ALPL: variants seen among roughly 807,000 people sequenced by gnomAD.
ALPL encodes alkaline phosphatase, tissue-nonspecific isozyme.
A neutral mutation model predicts 51.3 loss-of-function variants in ALPL; 42 were observed. The observed-to-expected ratio is 0.82, with a 90% CI of 0.64 to 1.06. The LOEUF is 1.06. ALPL is among the 50% of genes least tolerant of loss of function. The pLI is 0.00. For synonymous variants in ALPL, 279 were observed against 296.4 expected, an observed-to-expected ratio of 0.94 and a Z score of 0.60; for missense variants, 589 against 709.4, an observed-to-expected ratio of 0.83 and a Z score of 1.93.
chr1:21,527,657 C>T (rs779650053), intron 1 of ALPL, among the ~76,000 whole-genome samples: 15 of 150,594 alleles, frequency 1.0e-4, no homozygotes, highest in Non-Finnish European at 2.1e-4. Context: ...TTAGGCGATT[C>T]TCCTGCCTCA....
At position 21,577,663 on chromosome 1, in the gene ALPL, G is replaced by A; in HGVS notation, c.*15G>A. On this transcript the variant is annotated 3_prime_UTR_variant, in exon 12 of 12. Coordinates refer to ENST00000374840, the MANE Select transcript of ALPL (RefSeq NM_000478.6). ...TCCTGTTCTGAGGGCCCAGGGCCCGGGCACCCACAAGCCCGTGACAGATGC... is the reference window on the plus strand; with the variant it reads ...TCCTGTTCTGAGGGCCCAGGGCCCGAGCACCCACAAGCCCGTGACAGATGC... 16 of 1,593,074 alleles carry A rather than the reference G, an allele frequency of 1.0e-5. No homozygotes were observed. The highest frequency in any genetic ancestry group is 1.4e-5 in the Non-Finnish European group (16 of 1,177,080).
chr1:21,537,630 C>T (rs916158122), intron 1 of ALPL, among the ~76,000 whole-genome samples: 2 of 152,220 alleles, frequency 1.3e-5, no homozygotes, highest in Admixed American at 6.5e-5. Flanking sequence ...AGGCAGGGCT[C>T]CCTGTGCCTG....
At chr1:21,544,033 G>A (rs1198889313) in intron 1 of ALPL, among the ~76,000 whole-genome samples, 1 of 152,178 alleles carries the variant, frequency 6.6e-6, no homozygotes, top group African/African-American at 2.4e-5. Context: ...GCCTGTGCAG[G>A]GCCTGGCCCA....
intron 9 of ALPL, 25 bp from the exon 10 acceptor site, chr1:21,575,708 G>C (rs781522654): frequency 6.2e-7 from 1 of 1,613,454 alleles, no homozygotes; most frequent in Non-Finnish European, 8.5e-7. Context: ...CTCCCTCACC[G>C]AGGCCTTTGC....
intron 1 of ALPL, among the ~76,000 whole-genome samples, chr1:21,514,727 C>G (rs1643760027): frequency 6.6e-6 from 1 of 152,148 alleles, no homozygotes; most frequent in South Asian, 2.1e-4. Flanking sequence ...AACCTCACAT[C>G]CCCTGGTCCT....
rs140763053 is a variant in ALPL, at chr1:21,515,668, C to T, written c.-105+6151C>T. Among the ~76,000 whole-genome samples the T allele has an allele frequency of 6.2e-3, 949 of 152,190 alleles. 9 individuals are homozygous for T. The highest frequency in any genetic ancestry group is 0.021 in the African/African-American group (891 of 41,532). ...CCTCGCAAAGTGCTGGGATTACAGG[C>T]ATGGGCCACCACACCTGGCCCCAGT... On this transcript the variant is annotated intron_variant, in intron 1 of 11. Coordinates refer to ENST00000374840, the MANE Select transcript of ALPL (RefSeq NM_000478.6).
At chr1:21,546,229 C>A (rs192247533) in intron 1 of ALPL, among the ~76,000 whole-genome samples, 1 of 152,236 alleles carries the variant, frequency 6.6e-6, no homozygotes, top group East Asian at 1.9e-4. Context: ...AAGAAAAGGG[C>A]GTAATGGAGT....
chr1:21,559,996 G>C (rs528100141), intron 2 of ALPL, among the ~76,000 whole-genome samples: 1 of 152,398 alleles, frequency 6.6e-6, no homozygotes, highest in Non-Finnish European at 1.5e-5. Context: ...GGGGCGATGA[G>C]AGATGCAGAA....
At chr1:21,527,363 T>C (rs1456580407) in intron 1 of ALPL, among the ~76,000 whole-genome samples, 1 of 151,996 alleles carries the variant, frequency 6.6e-6, no homozygotes, top group African/African-American at 2.4e-5. Flanking sequence ...CTTGAATTTG[T>C]TTTGAAAAAC....
rs766076920 is a variant in ALPL at position 21,568,122 on chromosome 1, C to T, written c.667C>T (p.Arg223Trp). ...RDIDVIMGGG[R>W]KYMYPKNKTD... ...CTTTTAGGTGATCATGGGGGGTGGC[C>T]GGAAATACATGTACCCCAAGAATAA... The change falls in exon 7 of 12, where the codon CGG becomes TGG. Residue 223 changes from arginine (R) to tryptophan (W), a missense_variant. Coordinates refer to ENST00000374840, the MANE Select transcript of ALPL (RefSeq NM_000478.6). 10 of 1,613,798 alleles carry T rather than the reference C, an allele frequency of 6.2e-6. No individual in the cohort carries two copies. The highest frequency in any genetic ancestry group is 1.1e-5 in the South Asian group (1 of 91,080).
At chr1:21,515,248 A>G (rs939653465) in intron 1 of ALPL, among the ~76,000 whole-genome samples, 1 of 152,100 alleles carries the variant, frequency 6.6e-6, no homozygotes, top group African/African-American at 2.4e-5. Context: ...TGTGACCTTT[A>G]TTTTATTTTT....
At chr1:21,523,966 A>C (rs1449957041) in intron 1 of ALPL, among the ~76,000 whole-genome samples, 2 of 150,406 alleles carry the variant, frequency 1.3e-5, no homozygotes, top group East Asian at 3.9e-4. Flanking sequence ...TCCTGAATCT[A>C]ACCTCCCCAA....
At chr1:21,514,891 G>C (rs1643764365) in intron 1 of ALPL, among the ~76,000 whole-genome samples, 1 of 152,088 alleles carries the variant, frequency 6.6e-6, no homozygotes, top group South Asian at 2.1e-4. Context: ...GGCTCAGAGG[G>C]CAGACACCTT....
chr1:21,517,926 G>A (rs1451525744), intron 1 of ALPL, among the ~76,000 whole-genome samples: 2 of 151,886 alleles, frequency 1.3e-5, no homozygotes, highest in Non-Finnish European at 2.9e-5. Flanking sequence ...AACTAATATA[G>A]AGTTGGCACA....
At chr1:21,523,877 G>A (rs1558528528) in intron 1 of ALPL, among the ~76,000 whole-genome samples, 1 of 152,036 alleles carries the variant, frequency 6.6e-6, no homozygotes, top group Non-Finnish European at 1.5e-5. Context: ...CTGCCATGGG[G>A]TTGTCTGGTC....
intron 9 of ALPL, among the ~76,000 whole-genome samples, chr1:21,575,283 CAG>C (rs1475037118): frequency 7.3e-6 from 1 of 136,540 alleles, no homozygotes; most frequent in Non-Finnish European, 1.6e-5. Flanking sequence ...CATCTGTAAA[CAG>C]GACTGATCAT....
intron 2 of ALPL, among the ~76,000 whole-genome samples, chr1:21,558,627 G>A (rs533094167): frequency 6.6e-6 from 1 of 152,328 alleles, no homozygotes; most frequent in Admixed American, 6.5e-5. Context: ...TTCCCAGTGG[G>A]GACTGCGTGG....
intron 1 of ALPL, among the ~76,000 whole-genome samples, chr1:21,539,938 G>C (rs1310574476): frequency 6.6e-6 from 1 of 152,122 alleles, no homozygotes; most frequent in African/African-American, 2.4e-5. Context: ...TTACAGGCTT[G>C]AGCCACCGCG....
At chr1:21,575,241 G>A (rs547037527) in intron 9 of ALPL, among the ~76,000 whole-genome samples, 45 of 152,330 alleles carry the variant, frequency 3.0e-4, no homozygotes, top group African/African-American at 9.6e-4. Context: ...AAATCCCACC[G>A]TGGGCTTCCC....
Sources: gnomAD v4.1 joint callset for allele counts (sites outside exome capture counted in the v4.1 genomes callset) on GRCh38, gnomAD v4.1.1 for gene constraint, MANE v1.5 for transcripts, NCBI Gene and HGNC (gene_info 2026-07-23, HGNC 2026-07-21) for gene names.